The following OXR1 variants were observed in gnomAD, a reference collection of about 807,000 sequenced individuals.
The protein encoded by OXR1 is oxidation resistance 1.
Under a neutral mutation model 104.6 loss-of-function variants are expected in OXR1, and 41 were observed. That is an observed-to-expected ratio of 0.39 (90% confidence interval 0.31 to 0.51). The LOEUF (loss-of-function observed/expected upper bound fraction) is 0.51. Ranked by LOEUF, OXR1 falls within the 20% of genes least tolerant of loss-of-function variation. The pLI, the probability that OXR1 is intolerant of heterozygous loss-of-function variation, is 0.77. For synonymous variants in OXR1, 348 were observed against 348.4 expected, an observed-to-expected ratio of 1.00 and a Z score of 0.01; for missense variants, 955 against 1,031.9, an observed-to-expected ratio of 0.93 and a Z score of 1.02.
rs552972086 is a variant in OXR1, at chr8:106,464,441, A to G, written c.24-54502A>G. 2.0e-5 allele frequency among the ~76,000 whole-genome samples: 3 copies of G among 152,182 alleles called. No individual in the cohort carries two copies. The South Asian group carries it at 6.2e-4, about 32-fold the overall frequency. On this transcript the variant is annotated intron_variant, in intron 2 of 16. Coordinates refer to ENST00000517566, the MANE Select transcript of OXR1 (RefSeq NM_001198533.2). ...GAAGAGGCTTATTGCCCCCGTGACA[A>G]TTTTTTGGCATTAAAAAATGCAAAA...
At chr8:106,377,352 A>T (rs1002122166) in intron 2 of OXR1, among the ~76,000 whole-genome samples, 5 of 147,476 alleles carry the variant, frequency 3.4e-5, no homozygotes, top group Admixed American at 1.4e-4. Flanking sequence ...TGCCTAATTT[A>T]AAAAAAAAAA....
At chr8:106,633,125 C>T (rs1204416003) in intron 3 of OXR1, among the ~76,000 whole-genome samples, 6 of 149,290 alleles carry the variant, frequency 4.0e-5, no homozygotes, top group East Asian at 2.0e-4. Flanking sequence ...CCCAGCTACT[C>T]GGGAGGCTGA....
chr8:106,272,683 T>C (rs1563687717), intron 1 of OXR1: 1 of 152,236 alleles, frequency 6.6e-6, no homozygotes, highest in Non-Finnish European at 1.5e-5. Context: ...GCTGAGTTGC[T>C]AGTACGTTTT....
chr8:106,482,278 T>A (rs1822173602), intron 2 of OXR1, among the ~76,000 whole-genome samples: 1 of 151,910 alleles, frequency 6.6e-6, no homozygotes, highest in Non-Finnish European at 1.5e-5. Flanking sequence ...AGCCCCCAGA[T>A]TATCTGGCAG....
intron 3 of OXR1, among the ~76,000 whole-genome samples, chr8:106,671,239 A>G (rs188314573): frequency 6.6e-6 from 1 of 152,068 alleles, no homozygotes; most frequent in East Asian, 1.9e-4. Flanking sequence ...ACACAGTAAA[A>G]ACTAAAAAAC....
intron 3 of OXR1, among the ~76,000 whole-genome samples, chr8:106,562,531 A>T (rs1345755213): frequency 1.3e-5 from 2 of 152,222 alleles, no homozygotes; most frequent in Non-Finnish European, 2.9e-5. Flanking sequence ...AATGGAACCA[A>T]GTTGGAAAAC....
chr8:106,543,732 A>G (rs1815134791), intron 3 of OXR1, among the ~76,000 whole-genome samples: 1 of 152,198 alleles, frequency 6.6e-6, no homozygotes, highest in Non-Finnish European at 1.5e-5. Context: ...AAATGTCAAT[A>G]TGGCAGGAAG....
chr8:106,404,484 A>G (rs1028460507), intron 2 of OXR1, among the ~76,000 whole-genome samples: 1 of 152,144 alleles, frequency 6.6e-6, no homozygotes, highest in Non-Finnish European at 1.5e-5. Flanking sequence ...ATTTTTGTCA[A>G]TCTTAGCCCT....
At chr8:106,293,993 T>C (rs994018733) in intron 1 of OXR1, among the ~76,000 whole-genome samples, 2 of 125,398 alleles carry the variant, frequency 1.6e-5, no homozygotes, top group Non-Finnish European at 1.7e-5. Context: ...TTTTGGTAAG[T>C]AGGCAAATAG....
At chr8:106,497,693 T>G (rs1197437058) in intron 2 of OXR1, among the ~76,000 whole-genome samples, 1 of 152,204 alleles carries the variant, frequency 6.6e-6, no homozygotes. Flanking sequence ...ATGACTCTGA[T>G]GTTTGTTTCA....
intron 2 of OXR1, among the ~76,000 whole-genome samples, chr8:106,476,425 A>G (rs1303746663): frequency 2.6e-5 from 4 of 151,942 alleles, no homozygotes; most frequent in South Asian, 2.1e-4. Context: ...GCTGATGTCT[A>G]TCATTTCCCT....
chr8:106,272,879 C>G (rs898098542), intron 1 of OXR1: 1 of 151,962 alleles, frequency 6.6e-6, no homozygotes, highest in Non-Finnish European at 1.5e-5. Context: ...GAATGCTGTT[C>G]AAATAAAACA....
intron 3 of OXR1, among the ~76,000 whole-genome samples, chr8:106,527,365 CCT>C (rs1197915565): frequency 6.6e-6 from 1 of 152,090 alleles, no homozygotes; most frequent in African/African-American, 2.4e-5. Flanking sequence ...CAAGTCATCC[CCT>C]GTTTAAAACC....
intron 3 of OXR1, among the ~76,000 whole-genome samples, chr8:106,567,821 GT>G (rs1817191233): frequency 1.3e-5 from 2 of 152,146 alleles, no homozygotes; most frequent in Admixed American, 1.3e-4. Context: ...CAATTAAAAT[GT>G]AAATGGAATT....
At chr8:106,379,537 C>CTTTTTTTTTTTTTTTTTTT (rs60855438) in intron 2 of OXR1, among the ~76,000 whole-genome samples, 5 of 108,400 alleles carry the variant, frequency 4.6e-5, no homozygotes, top group Admixed American at 1.1e-4. Flanking sequence ...TTCTTTCTTT[C>CTTTTTTTTTTTTTTTTTTT]TTTTTTTTTT....
At chr8:106,396,750 ATAATAG>A (rs1817799197) in intron 2 of OXR1, among the ~76,000 whole-genome samples, 2 of 152,110 alleles carry the variant, frequency 1.3e-5, no homozygotes, top group South Asian at 2.1e-4. Flanking sequence ...TTTTGCACCA[ATAATAG>A]TAATATGCCA....
chr8:106,377,080 T>C (rs1237623549), intron 2 of OXR1, among the ~76,000 whole-genome samples: 1 of 152,180 alleles, frequency 6.6e-6, no homozygotes, highest in African/African-American at 2.4e-5. Flanking sequence ...TAATAGATAT[T>C]ACCACAAAAA....
At chr8:106,689,579 T>A (rs1829077900) in intron 6 of OXR1, among the ~76,000 whole-genome samples, 2 of 151,970 alleles carry the variant, frequency 1.3e-5, no homozygotes, top group Non-Finnish European at 2.9e-5. Context: ...AATTTTATAT[T>A]TTTTGTCTTT....
chr8:106,594,822 AG>A (rs1206330537), intron 3 of OXR1, among the ~76,000 whole-genome samples: 1 of 152,222 alleles, frequency 6.6e-6, no homozygotes, highest in Non-Finnish European at 1.5e-5. Flanking sequence ...GAAGGTGCTC[AG>A]TATTTACACA....
Sources: gnomAD v4.1 joint callset for allele counts (sites outside exome capture counted in the v4.1 genomes callset) on GRCh38, gnomAD v4.1.1 for gene constraint, MANE v1.5 for transcripts, NCBI Gene and HGNC (gene_info 2026-07-23, HGNC 2026-07-21) for gene names.